ASPH: variants seen among roughly 807,000 people sequenced by gnomAD.
The protein encoded by ASPH is aspartyl/asparaginyl beta-hydroxylase.
ASPH carries 100 observed loss-of-function variants against 118.4 expected under a neutral mutation model. The ratio of observed to expected loss-of-function variants is 0.84; its 90% confidence interval spans 0.72 to 1.00. The LOEUF is 1.00. Among genes scored for constraint, ASPH ranks in the 50% least tolerant of loss-of-function variants. The pLI is 0.00. For synonymous variants in ASPH, 315 were observed against 325.6 expected (o/e 0.97, Z 0.35); for missense variants, 920 against 919.5 (o/e 1.00, Z -0.01).
At chr8:61,539,422 TAAAG>T (rs1379437693) in intron 21 of ASPH, among the ~76,000 whole-genome samples, 1 of 151,632 alleles carries the variant, frequency 6.6e-6, no homozygotes, top group Non-Finnish European at 1.5e-5. Context: ...TTTAGAACAG[TAAAG>T]AAAGGAAGGA....
At chr8:61,525,258 C>T (rs1462565200) in intron 22 of ASPH, among the ~76,000 whole-genome samples, 2 of 151,984 alleles carry the variant, frequency 1.3e-5, no homozygotes, top group Non-Finnish European at 2.9e-5. Flanking sequence ...ATTGTTAATC[C>T]AGGCTAACTC....
intron 14 of ASPH, among the ~76,000 whole-genome samples, chr8:61,617,937 A>C (rs2150480036): frequency 6.7e-6 from 1 of 149,688 alleles, no homozygotes; most frequent in Middle Eastern, 3.4e-3. Context: ...CATCTCAAAA[A>C]AAAAAAAAAA....
chr8:61,537,987 G>A (rs143298441), intron 21 of ASPH, among the ~76,000 whole-genome samples: 173 of 152,290 alleles, frequency 1.1e-3, no homozygotes, highest in African/African-American at 3.8e-3. Flanking sequence ...AGCCTCAGCC[G>A]TGTGGACTCT....
chr8:61,581,528 G>C (rs534995309), intron 15 of ASPH, among the ~76,000 whole-genome samples: 9 of 152,304 alleles, frequency 5.9e-5, no homozygotes, highest in African/African-American at 2.2e-4. Context: ...TGGGGAAGTA[G>C]GAAGTTTTGC....
At chr8:61,540,531 T>G (rs1821457732) in intron 21 of ASPH, among the ~76,000 whole-genome samples, 1 of 152,132 alleles carries the variant, frequency 6.6e-6, no homozygotes, top group African/African-American at 2.4e-5. Flanking sequence ...GTGAGCCAAT[T>G]AAACCTTTTT....
chr8:61,710,867 C>T (rs1348579146), intron 1 of ASPH, among the ~76,000 whole-genome samples: 2 of 152,112 alleles, frequency 1.3e-5, no homozygotes, highest in Non-Finnish European at 2.9e-5. Flanking sequence ...AAAAAGGAAG[C>T]TAAACTAAAC....
intron 15 of ASPH, among the ~76,000 whole-genome samples, chr8:61,577,398 G>A (rs1407742396): frequency 4.9e-4 from 8 of 16,338 alleles, no homozygotes; most frequent in Admixed American, 2.8e-3. Flanking sequence ...GCCCAATCTC[G>A]CAAAAAAAAA....
chr8:61,528,987 G>T (rs902488006), intron 21 of ASPH, among the ~76,000 whole-genome samples: 1 of 152,004 alleles, frequency 6.6e-6, no homozygotes, highest in Admixed American at 6.5e-5. Flanking sequence ...TAAAACAGTC[G>T]CTTATTTTCT....
intron 21 of ASPH, among the ~76,000 whole-genome samples, chr8:61,530,910 T>C (rs914279967): frequency 3.9e-5 from 6 of 152,338 alleles, no homozygotes; most frequent in South Asian, 4.1e-4. Context: ...TTATCACTCA[T>C]CTATTATAGA....
chr8:61,572,650 C>G (rs756777240), intron 16 of ASPH, among the ~76,000 whole-genome samples: 1 of 152,186 alleles, frequency 6.6e-6, no homozygotes, highest in Non-Finnish European at 1.5e-5. Flanking sequence ...CCACTTCCCT[C>G]ATCTCCATGG....
At chr8:61,682,451 C>CT (rs1388291772) in intron 2 of ASPH, 2 of 1,612,776 alleles carry the variant, frequency 1.2e-6, no homozygotes, top group Non-Finnish European at 1.7e-6. Flanking sequence ...TGAAGCACCT[C>CT]TGATAAGTTA....
intron 14 of ASPH, among the ~76,000 whole-genome samples, chr8:61,611,905 A>C (rs1847493548): frequency 6.6e-6 from 1 of 152,190 alleles, no homozygotes; most frequent in African/African-American, 2.4e-5. Context: ...ACCACACACC[A>C]ACAGTCCTCA....
At chr8:61,676,764 C>T (rs1323624242) in intron 3 of ASPH, among the ~76,000 whole-genome samples, 4 of 152,208 alleles carry the variant, frequency 2.6e-5, no homozygotes, top group Middle Eastern at 3.4e-3. Flanking sequence ...TACACACATT[C>T]GTTCATTTGT....
rs143442321 is a variant in ASPH, at chr8:61,512,497, G to C, written c.2126+5031C>G. Among the ~76,000 whole-genome samples, 532 of 152,302 alleles carry C rather than the reference G, an allele frequency of 3.5e-3. 5 individuals carry two copies. Among genetic ancestry groups the C allele is most frequent in the African/African-American group, 0.012 (506 of 41,552 alleles). On this transcript the variant is annotated intron_variant, in intron 24 of 24. Coordinates refer to ENST00000379454, the MANE Select transcript of ASPH (RefSeq NM_004318.4). ...GGACAGGGGAACAGATTCTCCCTTAGAGCCTCCAGAAGGAACAACCCTGCC... is the reference window on the plus strand; with the variant it reads ...GGACAGGGGAACAGATTCTCCCTTACAGCCTCCAGAAGGAACAACCCTGCC...
rs748319736 is a variant in ASPH, at chr8:61,682,521, C to T, written c.254-1485G>A. On this transcript the variant is annotated intron_variant, in intron 2 of 24. Coordinates refer to ENST00000379454, the MANE Select transcript of ASPH (RefSeq NM_004318.4). ...AAAAACATGAAAACTGTTATTTGTG[C>T]TTAAAGGTACAAATACTTAAAGTGT... is the stretch of plus-strand genomic sequence containing the variant. The T allele has an allele frequency of 1.9e-6, 3 of 1,571,406 alleles. No individual in the cohort carries two copies. In the South Asian group the frequency reaches 3.3e-5, roughly 17 times the overall value.
At chr8:61,629,396 A>G (rs1854521728) in intron 13 of ASPH, among the ~76,000 whole-genome samples, 1 of 152,224 alleles carries the variant, frequency 6.6e-6, no homozygotes, top group Non-Finnish European at 1.5e-5. Flanking sequence ...GTGTATATTT[A>G]TGCTGTCAGA....
At chr8:61,635,536 T>G (rs1857363086) in intron 12 of ASPH, among the ~76,000 whole-genome samples, 1 of 152,080 alleles carries the variant, frequency 6.6e-6, no homozygotes, top group South Asian at 2.1e-4. Context: ...GCGTTTTATT[T>G]TCTCTCCTAA....
intron 1 of ASPH, among the ~76,000 whole-genome samples, chr8:61,697,076 A>G (rs1013401172): frequency 6.6e-5 from 10 of 152,180 alleles, no homozygotes; most frequent in African/African-American, 2.4e-4. Context: ...TTTAAAATAA[A>G]GTGCCCTACA....
chr8:61,573,591 C>A (rs1418464069), intron 16 of ASPH, among the ~76,000 whole-genome samples: 1 of 152,134 alleles, frequency 6.6e-6, no homozygotes, highest in Non-Finnish European at 1.5e-5. Flanking sequence ...TTTAACAAAC[C>A]TGACAAAAAC....
Sources: allele counts gnomAD v4.1 joint callset (sites outside exome capture counted in the v4.1 genomes callset), GRCh38; gene constraint gnomAD v4.1.1; transcripts MANE v1.5; gene names NCBI Gene and HGNC (gene_info 2026-07-23, HGNC 2026-07-21).